INPP5A: variants seen among roughly 807,000 people sequenced by gnomAD.
INPP5A encodes inositol polyphosphate-5-phosphatase A, also known as 43 kDa inositol polyphosphate 5-phophatase.
INPP5A carries 14 observed loss-of-function variants against 65.2 expected under a neutral mutation model. The observed-to-expected ratio is 0.21, with a 90% CI of 0.14 to 0.34. The LOEUF (loss-of-function observed/expected upper bound fraction) is 0.34, where lower values mean the gene tolerates loss of function less well. Among genes scored for constraint, INPP5A ranks in the 10% least tolerant of loss-of-function variants. INPP5A has a pLI of 1.00. For synonymous variants in INPP5A, 207 were observed against 208.3 expected, an observed-to-expected ratio of 0.99 and a Z score of 0.05; for missense variants, 431 against 545.6, an observed-to-expected ratio of 0.79 and a Z score of 2.09.
chr10:132,658,654 C>G (rs889889013), intron 4 of INPP5A, among the ~76,000 whole-genome samples: 2 of 152,120 alleles, frequency 1.3e-5, no homozygotes, highest in African/African-American at 4.8e-5. Context: ...CGGGGGTGCT[C>G]ATGGGTGCCC....
chr10:132,630,347 C>T (rs2072248892), intron 2 of INPP5A, among the ~76,000 whole-genome samples: 1 of 151,152 alleles, frequency 6.6e-6, no homozygotes, highest in South Asian at 2.1e-4. Flanking sequence ...GAAAGGCCTC[C>T]ATGAGGGAAA....
intron 4 of INPP5A, among the ~76,000 whole-genome samples, chr10:132,660,609 G>A (rs2072722757): frequency 6.7e-6 from 1 of 149,690 alleles, no homozygotes; most frequent in Non-Finnish European, 1.5e-5. Context: ...TGGTGTCTGA[G>A]CAGAGGCTCT....
At chr10:132,771,156 C>G (rs746528854) in intron 12 of INPP5A, among the ~76,000 whole-genome samples, 1 of 152,142 alleles carries the variant, frequency 6.6e-6, no homozygotes, top group East Asian at 1.9e-4. Flanking sequence ...CTTTAGCTGA[C>G]GACTCAGATG....
At chr10:132,623,379 T>C (rs1005615583) in intron 2 of INPP5A, among the ~76,000 whole-genome samples, 1 of 151,812 alleles carries the variant, frequency 6.6e-6, no homozygotes, top group African/African-American at 2.4e-5. Context: ...AAAGGCAATT[T>C]GTTAAAGAAA....
intron 8 of INPP5A, among the ~76,000 whole-genome samples, chr10:132,717,812 G>C (rs1276863127): frequency 1.4e-5 from 2 of 145,818 alleles, no homozygotes; most frequent in Admixed American, 6.7e-5. Flanking sequence ...TGTGGTACCT[G>C]GGTTCTGTCT....
chr10:132,739,943 G>T (rs1590972671), intron 9 of INPP5A, among the ~76,000 whole-genome samples: 1 of 152,338 alleles, frequency 6.6e-6, no homozygotes, highest in East Asian at 1.9e-4. Context: ...CCAACGGGAT[G>T]CCAGAGGACT....
chr10:132,717,438 T>A (rs1334247971), intron 8 of INPP5A, among the ~76,000 whole-genome samples: 1 of 151,524 alleles, frequency 6.6e-6, no homozygotes, highest in Non-Finnish European at 1.5e-5. Flanking sequence ...CCCCAGGCAC[T>A]TTGGGGGCTC....
intron 8 of INPP5A, among the ~76,000 whole-genome samples, chr10:132,722,469 G>A (rs895691021): frequency 2.6e-5 from 4 of 152,136 alleles, no homozygotes; most frequent in African/African-American, 9.7e-5. Flanking sequence ...ACGCTCTCCC[G>A]CCACCTGCCC....
intron 6 of INPP5A, among the ~76,000 whole-genome samples, chr10:132,703,937 CCA>C (rs1564972753): frequency 7.8e-6 from 1 of 127,470 alleles, no homozygotes; most frequent in African/African-American, 3.0e-5. Flanking sequence ...AGCTTCACCC[CCA>C]CACACACGCG....
At chr10:132,634,797 T>G (rs1372582895) in intron 2 of INPP5A, among the ~76,000 whole-genome samples, 2 of 152,264 alleles carry the variant, frequency 1.3e-5, no homozygotes, top group Admixed American at 1.3e-4. Context: ...CGGCTCACGG[T>G]GGCCCTCCCA....
intron 2 of INPP5A, among the ~76,000 whole-genome samples, chr10:132,640,177 T>TA (rs1335691351): frequency 1.3e-5 from 2 of 152,250 alleles, no homozygotes; most frequent in African/African-American, 2.4e-5. Flanking sequence ...TGGCTTTTCT[T>TA]ACGGTTCTCA....
At position 132,650,335 on chromosome 10, in the gene INPP5A, C is replaced by A; in HGVS notation, c.219-83C>A. 1.1e-6 allele frequency: 1 copy of A among 877,136 alleles called. No individual in the cohort carries two copies. The highest frequency in any genetic ancestry group is 1.9e-6 in the Non-Finnish European group (1 of 517,906). The allele number at this position is 877,136 out of a possible 1,614,324, so 54.3% of individuals were successfully genotyped here. A position where few individuals can be genotyped will look rare whatever the true frequency, so the allele number is the denominator to read the frequency against. On this transcript the variant is annotated intron_variant, in intron 3 of 15. Coordinates refer to ENST00000368594, the MANE Select transcript of INPP5A (RefSeq NM_005539.5). This position sits in a 1 kb window ranked among gnomAD's most constrained non-coding sequence, Gnocchi z 5.5. Reference sequence around the variant, plus strand: ...ACGGTGATGTACCTATGTGCTGGAGCCCCTCTTATACCTTGTGGTCATCTC... The same window carrying A: ...ACGGTGATGTACCTATGTGCTGGAGACCCTCTTATACCTTGTGGTCATCTC...
chr10:132,688,407 G>A (rs534961756), intron 4 of INPP5A, among the ~76,000 whole-genome samples: 3 of 152,356 alleles, frequency 2.0e-5, no homozygotes, highest in East Asian at 3.9e-4. Flanking sequence ...AGAGCCTGAA[G>A]TGTGTGGGAC....
At chr10:132,732,535 G>A (rs528358368) in intron 9 of INPP5A, among the ~76,000 whole-genome samples, 162 of 152,334 alleles carry the variant, frequency 1.1e-3, no homozygotes, top group African/African-American at 3.5e-3. Context: ...CAACACAGTC[G>A]TCAGCTGTGT....
At chr10:132,713,137 G>A (rs932887835) in intron 8 of INPP5A, among the ~76,000 whole-genome samples, 7 of 150,932 alleles carry the variant, frequency 4.6e-5, no homozygotes, top group Non-Finnish European at 1.0e-4. Flanking sequence ...TTGTGGGTGT[G>A]TGGAGTGCAT....
At chr10:132,579,981 C>T (rs2071462022) in intron 1 of INPP5A, among the ~76,000 whole-genome samples, 1 of 149,794 alleles carries the variant, frequency 6.7e-6, no homozygotes, top group Admixed American at 6.7e-5. Context: ...ACTCCCGATA[C>T]TGGAGTGGAG....
At chr10:132,764,493 TGGGA>T (rs972874835) in intron 11 of INPP5A, among the ~76,000 whole-genome samples, 3 of 121,644 alleles carry the variant, frequency 2.5e-5, no homozygotes, top group Admixed American at 8.8e-5. Flanking sequence ...CCTGCAGGGG[TGGGA>T]GGGTGTGTGT....
chr10:132,763,452 T>C (rs539378427), intron 11 of INPP5A, among the ~76,000 whole-genome samples: 18 of 152,412 alleles, frequency 1.2e-4, no homozygotes, highest in African/African-American at 4.3e-4. Flanking sequence ...TGCGTGTTTA[T>C]AGGCCTGTGT....
At chr10:132,746,649 G>C (rs940196225) in intron 9 of INPP5A, among the ~76,000 whole-genome samples, 1 of 152,148 alleles carries the variant, frequency 6.6e-6, no homozygotes, top group East Asian at 1.9e-4. Flanking sequence ...CAGCGTTCCC[G>C]TTAAATTCTA....
Sources: allele counts gnomAD v4.1 joint callset (sites outside exome capture counted in the v4.1 genomes callset), GRCh38; gene constraint gnomAD v4.1.1; non-coding constraint Gnocchi (gnomAD v3.1); transcripts MANE v1.5; gene names NCBI Gene and HGNC (gene_info 2026-07-23, HGNC 2026-07-21).